NBPF20: variants seen among roughly 807,000 people sequenced by gnomAD.
NBPF20 encodes the protein NBPF member 20, also known as NBPF family member NBPF20.
Under a neutral mutation model 68.1 loss-of-function variants are expected in NBPF20, and 90 were observed. That is an observed-to-expected ratio of 1.32 (90% CI 1.11 to 1.58). NBPF20 has a LOEUF of 1.58. Among genes scored for constraint, NBPF20 ranks in the 40% most tolerant of loss-of-function variants. NBPF20 has a pLI of 0.00. For missense variants in NBPF20, 816 were observed against 601.2 expected (o/e 1.36, Z -3.74); for synonymous variants, 290 against 228.1 (o/e 1.27, Z -2.45).
intron 9 of NBPF20, 76 bp downstream of exon 14, chr1:145,393,808 C>G (rs1406183925): frequency 6.4e-6 from 8 of 1,254,664 alleles, no homozygotes; most frequent in East Asian, 2.3e-5. Flanking sequence ...TTATTTTCAG[C>G]ATGTACTGTT....
intron 119 of NBPF20, among the ~76,000 whole-genome samples, chr1:145,306,292 C>A (rs1661407249): frequency 1.3e-5 from 2 of 149,050 alleles, no homozygotes; most frequent in Non-Finnish European, 3.0e-5. Flanking sequence ...CACACACACA[C>A]ACACACAGAC....
At chr1:145,403,943 T>A (rs2101585580) in intron 2 of NBPF20, among the ~76,000 whole-genome samples, 1 of 150,238 alleles carries the variant, frequency 6.7e-6, no homozygotes, top group South Asian at 2.2e-4. Flanking sequence ...TAGTGTTCAC[T>A]GTGTGCCAAT....
chr1:145,393,357 A>G, intron 9 of NBPF20, 111 bp from the exon 15 acceptor site: 2 of 707,508 alleles, frequency 2.8e-6, no homozygotes, highest in South Asian at 1.5e-5. Flanking sequence ...AAAAGGACAG[A>G]TCCATTAATG....
chr1:145,405,110 G>C, exon 2 of NBPF20: 4 of 1,613,648 alleles, frequency 2.5e-6, no homozygotes, highest in Non-Finnish European at 3.4e-6. Context: ...TATTTCTTCT[G>C]CTGGTTGGCC....
At chr1:145,393,819 T>C in intron 9 of NBPF20, 65 bp downstream of exon 14, 1 of 1,237,410 alleles carries the variant, frequency 8.1e-7, no homozygotes, top group Non-Finnish European at 1.2e-6. Flanking sequence ...ATGTACTGTT[T>C]TCCCTGGACT....
At chr1:145,291,546 C>T (rs1158704292) in exon 138 of NBPF20, 6 of 1,611,868 alleles carry the variant, frequency 3.7e-6, no homozygotes, top group African/African-American at 1.3e-5. Flanking sequence ...AATATGACTC[C>T]CATCTGGAAC....
intron 3 of NBPF20, 124 bp from the exon 9 acceptor site, chr1:145,402,505 T>G (rs200716705): frequency 6.6e-5 from 61 of 919,502 alleles, no homozygotes; most frequent in African/African-American, 6.6e-4. Flanking sequence ...CAGCACATGT[T>G]TAAAGGAATG....
exon 138 of NBPF20, chr1:145,291,361 T>A (rs1413840207): frequency 1.3e-6 from 2 of 1,490,242 alleles, no homozygotes; most frequent in African/African-American, 2.9e-5. Context: ...GTCTTCAGAC[T>A]GAGCACAGGT....
chr1:145,292,339 G>T, intron 137 of NBPF20, 42 bp downstream of exon 142: 3 of 654,362 alleles, frequency 4.6e-6, no homozygotes, highest in East Asian at 2.5e-5. Context: ...TTGCCTCCAG[G>T]TGTTAACACA....
intron 61 of NBPF20, among the ~76,000 whole-genome samples, chr1:145,352,365 G>A (rs1661662499): frequency 1.5e-5 from 1 of 67,258 alleles, no homozygotes; most frequent in Non-Finnish European, 3.2e-5. Context: ...CGAGCTCAGT[G>A]AATTGTCCAG....
chr1:145,395,031 C>T, exon 8 of NBPF20: 1 of 1,611,604 alleles, frequency 6.2e-7, no homozygotes, highest in South Asian at 1.1e-5. Flanking sequence ...GTGAAATGTG[C>T]TGCTGTAAGA....
the NBPF20 span, among the ~76,000 whole-genome samples, chr1:145,410,789 T>C: frequency 1.8e-4 from 20 of 109,570 alleles, no homozygotes; most frequent in Non-Finnish European, 2.9e-4. Context: ...TACACACACA[T>C]ATATATACGT....
At chr1:145,291,579 T>C (rs781785706) in exon 138 of NBPF20, 2 of 1,611,956 alleles carry the variant, frequency 1.2e-6, no homozygotes, top group East Asian at 2.2e-5. Context: ...CTTGTCACCG[T>C]CAAAGTAAAA....
chr1:145,397,617 C>G (rs1161336996), intron 7 of NBPF20, among the ~76,000 whole-genome samples: 1 of 152,154 alleles, frequency 6.6e-6, no homozygotes, highest in African/African-American at 2.4e-5. Flanking sequence ...CCGGTACCAG[C>G]CACTACAAAA....
At chr1:145,425,137 C>T in the NBPF20 span, among the ~76,000 whole-genome samples, 19 of 152,246 alleles carry the variant, frequency 1.2e-4, no homozygotes, top group Admixed American at 1.0e-3. Flanking sequence ...TCCCCAGCGC[C>T]CAAGAGATGA....
At chr1:145,402,051 A>G in intron 4 of NBPF20, 116 bp downstream of exon 9, 1 of 761,258 alleles carries the variant, frequency 1.3e-6, no homozygotes, top group Non-Finnish European at 2.2e-6. Flanking sequence ...TGTCATGGCC[A>G]CATAAGCTTA....
chr1:145,397,684 C>T (rs1272553574), intron 7 of NBPF20, among the ~76,000 whole-genome samples: 66 of 152,192 alleles, frequency 4.3e-4, no homozygotes, highest in Admixed American at 6.5e-4. Context: ...AACTAATGGG[C>T]GAAATAACCA....
upstream of NBPF20, among the ~76,000 whole-genome samples, chr1:145,406,119 T>C (rs1332935158): frequency 7.0e-6 from 1 of 143,308 alleles, no homozygotes; most frequent in Non-Finnish European, 1.5e-5. Context: ...GTATTTTTAG[T>C]AGAGACGGGG....
intron 137 of NBPF20, 104 bp downstream of exon 142, chr1:145,292,277 C>A (rs1296574246): frequency 3.3e-6 from 2 of 608,780 alleles, no homozygotes; most frequent in African/African-American, 2.0e-5. Context: ...AGGAGTAATT[C>A]AGCCTTCGTT....
Sources: gnomAD v4.1 joint callset for allele counts (sites outside exome capture counted in the v4.1 genomes callset) on GRCh38, gnomAD v4.1.1 for gene constraint, MANE v1.5 for transcripts, NCBI Gene and HGNC (gene_info 2026-07-23, HGNC 2026-07-21) for gene names.